The following SLC15A1 variants were observed in gnomAD, a reference collection of about 807,000 sequenced individuals.
SLC15A1 encodes Caco-2 oligopeptide transporter.
Under a neutral mutation model 92.9 loss-of-function variants are expected in SLC15A1, and 83 were observed. The ratio of observed to expected loss-of-function variants is 0.89; its 90% CI spans 0.75 to 1.07. The LOEUF (loss-of-function observed/expected upper bound fraction) is 1.07, where lower values mean the gene tolerates loss of function less well. Ranked by LOEUF, SLC15A1 falls within the 50% of genes least tolerant of loss-of-function variation. The pLI is 0.00. For missense variants in SLC15A1, 857 were observed against 880.1 expected, an observed-to-expected ratio of 0.97 and a Z score of 0.33; for synonymous variants, 322 against 318.2, an observed-to-expected ratio of 1.01 and a Z score of -0.13.
chr13:98,746,916 G>C (rs3782996), intron 1 of SLC15A1, among the ~76,000 whole-genome samples: 123,050 of 152,124 alleles, frequency 0.81, 49,796 homozygotes, highest in Non-Finnish European at 0.83. Flanking sequence ...CCCTGTCCCT[G>C]TGCCCCGTGG....
intron 19 of SLC15A1, 36 bp from the exon 20 acceptor site, chr13:98,688,392 T>C (rs1165025043): frequency 6.2e-7 from 1 of 1,605,892 alleles, no homozygotes; most frequent in Admixed American, 1.7e-5. Context: ...TTAACATTCT[T>C]GGCATTAAAA....
chr13:98,748,243 C>A (rs373809925), intron 1 of SLC15A1, among the ~76,000 whole-genome samples: 1 of 152,142 alleles, frequency 6.6e-6, no homozygotes, highest in East Asian at 1.9e-4. Flanking sequence ...CCAGCTGAAC[C>A]ACATTCATTT....
chr13:98,730,196 A>G (rs1159780807), intron 1 of SLC15A1, among the ~76,000 whole-genome samples: 1 of 136,106 alleles, frequency 7.3e-6, no homozygotes, highest in Non-Finnish European at 1.6e-5. Flanking sequence ...ACTCCGTCTC[A>G]AAAAAGAAAA....
At chr13:98,750,755 T>C (rs2088538299) in intron 1 of SLC15A1, among the ~76,000 whole-genome samples, 1 of 124,164 alleles carries the variant, frequency 8.1e-6, no homozygotes, top group Non-Finnish European at 1.7e-5. Context: ...AGATCTGTTC[T>C]TTTTTTTTTT....
At chr13:98,686,038 C>G (rs923290769) in intron 22 of SLC15A1, 152 bp downstream of exon 22, 2 of 609,104 alleles carry the variant, frequency 3.3e-6, no homozygotes, top group Non-Finnish European at 5.9e-6. Context: ...TGCCATAAGG[C>G]TATTTGGGAA....
chr13:98,743,335 T>C lies in SLC15A1; in HGVS notation c.4+9260A>G, dbSNP rs1355871472. 3.9e-5 allele frequency among the ~76,000 whole-genome samples: 6 copies of C among 152,336 alleles called. No individual in the cohort carries two copies. The East Asian group carries it at 1.2e-3, about 29-fold the overall frequency. On this transcript the variant is annotated intron_variant, in intron 1 of 22. Transcript: ENST00000376503. ...TTCCACACACAACTATCTAAAATCA[T>C]AGGCTGAAGAGGCCTGAAATGACCA...
chr13:98,752,466 C>T lies in SLC15A1; in HGVS notation c.4+129G>A, dbSNP rs144317861. On this transcript the variant is annotated intron_variant, in intron 1 of 22. Transcript: ENST00000376503. ...GGGCGCCCCGCAACCTCCCGGCCCC[C>T]GTGGGCCTTCGGGTCGCCCCGCTTC... The T allele has an allele frequency of 2.5e-3, 2,200 of 878,416 alleles. 40 individuals carry two copies. The African/African-American group carries it at 0.035, about 14-fold the overall frequency. The allele number at this position is 878,416 out of a possible 1,614,324, so 54.4% of individuals were successfully genotyped here. A position where few individuals can be genotyped will look rare whatever the true frequency, so the allele number is the denominator to read the frequency against.
At chr13:98,734,014 G>A (rs1237031563) in intron 1 of SLC15A1, among the ~76,000 whole-genome samples, 1 of 152,136 alleles carries the variant, frequency 6.6e-6, no homozygotes, top group African/African-American at 2.4e-5. Context: ...TACCCAGGCT[G>A]GAGAGCAGTG....
intron 1 of SLC15A1, among the ~76,000 whole-genome samples, chr13:98,736,081 A>T (rs1259926976): frequency 6.6e-6 from 1 of 152,210 alleles, no homozygotes; most frequent in African/African-American, 2.4e-5. Flanking sequence ...ACGCTACCTG[A>T]CTTCAAACTA....
chr13:98,733,838 T>C lies in SLC15A1; in HGVS notation c.5-6979A>G, dbSNP rs79927215. Among the ~76,000 whole-genome samples, 741 of 152,330 alleles carry C rather than the reference T, an allele frequency of 4.9e-3. 5 individuals are homozygous for C. The highest frequency in any genetic ancestry group is 0.016 in the African/African-American group (670 of 41,566). On this transcript the variant is annotated intron_variant, in intron 1 of 22. Transcript: ENST00000376503. ...TGTATGTCCCCACCAAAATCTCATA[T>C]TGAAATGTAATCCCCAAAGCTGGAG...
chr13:98,728,217 T>G (rs1037312423), intron 1 of SLC15A1, among the ~76,000 whole-genome samples: 7 of 152,250 alleles, frequency 4.6e-5, no homozygotes, highest in Admixed American at 4.6e-4. Context: ...GTTCCATTGG[T>G]CTATGTGTCT....
Position 98,721,923 on chromosome 13 carries a change from A to G in SLC15A1, c.366-20T>C. ...AGCACCCTGGGAAAGACAGGGTGTT[A>G]GGGCCAACATGGCAGATCCTCGCAA... is the stretch of plus-strand genomic sequence containing the variant. On this transcript the variant is annotated intron_variant, in intron 5 of 22. Transcript: ENST00000376503. 1 of 1,602,650 alleles carries G rather than the reference A, an allele frequency of 6.2e-7. No individual in the cohort carries two copies. The highest frequency in any genetic ancestry group is 8.5e-7 in the Non-Finnish European group (1 of 1,171,828).
intron 1 of SLC15A1, among the ~76,000 whole-genome samples, chr13:98,747,223 C>G (rs1161559103): frequency 2.6e-5 from 4 of 152,216 alleles, no homozygotes; most frequent in Non-Finnish European, 4.4e-5. Flanking sequence ...GAATACTGCT[C>G]TTTCTCTCAC....
chr13:98,723,458 C>T (rs1731153610), intron 5 of SLC15A1, among the ~76,000 whole-genome samples: 2 of 152,148 alleles, frequency 1.3e-5, no homozygotes, highest in South Asian at 4.1e-4. Flanking sequence ...ATAACACCTG[C>T]CATCCAGAGC....
chr13:98,712,354 C>A, intron 10 of SLC15A1, 144 bp downstream of exon 10: 1 of 634,834 alleles, frequency 1.6e-6, no homozygotes, highest in East Asian at 2.8e-5. Context: ...AAAATGCACT[C>A]ATGCATAGTT....
intron 1 of SLC15A1, 120 bp downstream of exon 1, chr13:98,752,475 T>G: frequency 5.2e-6 from 5 of 966,078 alleles, no homozygotes; most frequent in Non-Finnish European, 5.4e-6. Context: ...CCGTGGGCCT[T>G]CGGGTCGCCC....
At chr13:98,712,297 A>G (rs1241943004) in intron 10 of SLC15A1, among the ~76,000 whole-genome samples, 1 of 152,180 alleles carries the variant, frequency 6.6e-6, no homozygotes, top group Non-Finnish European at 1.5e-5. Flanking sequence ...AAACTATGAA[A>G]AGGTAATATT....
chr13:98,725,707 C>G (rs1040731491), intron 4 of SLC15A1, among the ~76,000 whole-genome samples: 2 of 152,128 alleles, frequency 1.3e-5, no homozygotes, highest in Admixed American at 6.5e-5. Context: ...TGTAAATGCT[C>G]TCCTAAGGGT....
At chr13:98,720,230 T>G (rs1338593404) in intron 7 of SLC15A1, among the ~76,000 whole-genome samples, 1 of 152,258 alleles carries the variant, frequency 6.6e-6, no homozygotes, top group East Asian at 1.9e-4. Context: ...TTATTTGAAC[T>G]GATTAATTAT....
Sources: gnomAD v4.1 joint callset for allele counts (sites outside exome capture counted in the v4.1 genomes callset) on GRCh38, gnomAD v4.1.1 for gene constraint, MANE v1.5 for transcripts, NCBI Gene and HGNC (gene_info 2026-07-23, HGNC 2026-07-21) for gene names.